NCOA6: variants seen among roughly 807,000 people sequenced by gnomAD.
NCOA6 encodes NRC RAP250.
NCOA6 carries 49 observed loss-of-function variants against 171.4 expected under a neutral mutation model. The ratio of observed to expected loss-of-function variants is 0.29; its 90% CI spans 0.23 to 0.36. The LOEUF is 0.36. Among genes scored for constraint, NCOA6 ranks in the 10% least tolerant of loss-of-function variants. The pLI, the probability that NCOA6 is intolerant of heterozygous loss-of-function variation, is 1.00. For synonymous variants in NCOA6, 910 were observed against 927.5 expected, an observed-to-expected ratio of 0.98 and a Z score of 0.34; for missense variants, 2,248 against 2,554.5, an observed-to-expected ratio of 0.88 and a Z score of 2.59.
chr20:34,763,671 T>C (rs1301607505), intron 5 of NCOA6, among the ~76,000 whole-genome samples: 1 of 152,216 alleles, frequency 6.6e-6, no homozygotes, highest in Non-Finnish European at 1.5e-5. Flanking sequence ...GTTAATGACT[T>C]AGCCTGGCTA....
At chr20:34,822,066 C>CA (rs1189240374) in intron 1 of NCOA6, among the ~76,000 whole-genome samples, 1 of 152,128 alleles carries the variant, frequency 6.6e-6, no homozygotes, top group Admixed American at 6.5e-5. Flanking sequence ...TCAGTGCCCA[C>CA]AGTCTCTGCC....
In NCOA6 at chr20:34,741,608, G is replaced by C. The variant is rs775428616; in HGVS notation, c.4648C>G (p.Pro1550Ala). 4 of 1,614,190 alleles carry C rather than the reference G, an allele frequency of 2.5e-6. No individual in the cohort carries two copies. In the South Asian group the frequency reaches 3.3e-5, roughly 13 times the overall value. ...GATGAACACAGCTCATTACTGTGAGGTAAGTTTAGGGAATTAGAAGGTTCT... is the reference window on the plus strand; with the variant it reads ...GATGAACACAGCTCATTACTGTGAGCTAAGTTTAGGGAATTAGAAGGTTCT... ...SKEPSNSLNL[P>A]HSNELCSSLV... The change falls in exon 11 of 15, where the codon CCT becomes GCT. Residue 1550 changes from proline (P) to alanine (A), a missense_variant. Transcript: ENST00000359003.
rs199708954 is a variant in NCOA6, at chr20:34,750,198, G to A, written c.1997C>T (p.Pro666Leu). The A allele has an allele frequency of 3.1e-5, 50 of 1,610,578 alleles. No individual in the cohort carries two copies. The highest frequency in any genetic ancestry group is 1.0e-4 in the Admixed American group (6 of 59,748). The stretch of plus-strand genomic sequence containing the variant: ...GGGCGAGGGCCCAAGATTTTGGCTC[G>A]GGGGGTTCACCATCATCTGGCCCTG... ...MPQGQMMVNP[P>L]SQNLGPSPQR... The change falls in exon 9 of 15, where the codon CCG becomes CTG. Residue 666 changes from proline (P) to leucine (L), a missense_variant. Pro to Leu is a moderately conservative substitution (Grantham distance 98). This residue lies in a region of NCOA6 where 987 missense variants were observed against 1,104.7 expected (regional missense o/e 0.89). Transcript: ENST00000359003.
chr20:34,740,738 C>G lies in NCOA6; in HGVS notation c.5518G>C (p.Glu1840Gln). 2 of 1,614,236 alleles carry G rather than the reference C, an allele frequency of 1.2e-6. No homozygotes were observed. Among genetic ancestry groups the G allele is most frequent in the Non-Finnish European group, 1.7e-6 (2 of 1,180,038 alleles). Residue 1840 changes from glutamate (E) to glutamine (Q), a missense_variant, in exon 11 of 15, where the codon GAG (glutamate) becomes CAG (glutamine). Transcript: ENST00000359003. The part of the protein sequence containing the change: ...KACKKVTGSL[E>Q]KGEEQYGADG... Reference sequence around the variant, plus strand: ...GCACCATATTGTTCTTCCCCTTTCTCAAGAGAGCCTGTAACTTTCTTACAT... The same window carrying G: ...GCACCATATTGTTCTTCCCCTTTCTGAAGAGAGCCTGTAACTTTCTTACAT...
chr20:34,811,448 C>A (rs1208327539), intron 1 of NCOA6, among the ~76,000 whole-genome samples: 1 of 151,742 alleles, frequency 6.6e-6, no homozygotes, highest in African/African-American at 2.4e-5. Context: ...GATTCTTTAT[C>A]ATCATGAGAC....
At chr20:34,803,396 G>A (rs2078321766) in intron 1 of NCOA6, among the ~76,000 whole-genome samples, 1 of 151,472 alleles carries the variant, frequency 6.6e-6, no homozygotes, top group Admixed American at 6.6e-5. Flanking sequence ...TGAACTCAGA[G>A]GCAGAGGTTG....
chr20:34,777,116 CAAAAAAAAAAAAAA>C (rs1157021055), intron 3 of NCOA6, among the ~76,000 whole-genome samples: 3 of 43,866 alleles, frequency 6.8e-5, no homozygotes, highest in African/African-American at 2.6e-4. Flanking sequence ...GACTCCGTCT[CAAAAAAAAAAAAAA>C]AAAAAAAAGG....
intron 10 of NCOA6, among the ~76,000 whole-genome samples, chr20:34,746,012 T>C (rs2076290374): frequency 6.6e-6 from 1 of 152,186 alleles, no homozygotes; most frequent in African/African-American, 2.4e-5. Context: ...TGGGTGTCTC[T>C]TTTATTCTTT....
chr20:34,744,261 T>G (rs929802158), intron 10 of NCOA6, among the ~76,000 whole-genome samples: 1 of 152,222 alleles, frequency 6.6e-6, no homozygotes, highest in East Asian at 1.9e-4. Flanking sequence ...CTTCTAGATA[T>G]GCAGAGGGCA....
intron 1 of NCOA6, among the ~76,000 whole-genome samples, chr20:34,792,913 G>A (rs894364583): frequency 2.6e-5 from 4 of 151,768 alleles, no homozygotes; most frequent in Admixed American, 6.6e-5. Flanking sequence ...AAGTAGCTGG[G>A]ACCACAGGCG....
chr20:34,818,146 T>G (rs2078900856), intron 1 of NCOA6, among the ~76,000 whole-genome samples: 1 of 152,244 alleles, frequency 6.6e-6, no homozygotes, highest in African/African-American at 2.4e-5. Context: ...AATAAAATGC[T>G]ACTTATGAAA....
intron 10 of NCOA6, among the ~76,000 whole-genome samples, chr20:34,744,741 T>C (rs117294161): frequency 6.6e-6 from 1 of 152,238 alleles, no homozygotes; most frequent in Non-Finnish European, 1.5e-5. Flanking sequence ...GGCATTTCTA[T>C]GGTTCAACTG....
intron 1 of NCOA6, among the ~76,000 whole-genome samples, chr20:34,815,572 A>G (rs1276060799): frequency 1.3e-5 from 2 of 152,240 alleles, no homozygotes; most frequent in East Asian, 3.9e-4. Context: ...AAAGAATAGG[A>G]TGGAAAAGAG....
intron 1 of NCOA6, among the ~76,000 whole-genome samples, chr20:34,810,746 C>G (rs181912890): frequency 2.6e-5 from 4 of 151,952 alleles, no homozygotes; most frequent in Non-Finnish European, 4.4e-5. Context: ...TTAGAAGAGT[C>G]GCGGTTTCAC....
At chr20:34,715,906 G>T (rs1330327521) in intron 14 of NCOA6, among the ~76,000 whole-genome samples, 1 of 152,106 alleles carries the variant, frequency 6.6e-6, no homozygotes, top group African/African-American at 2.4e-5. Flanking sequence ...GTCTACTATG[G>T]CCCAGCCAGT....
chr20:34,773,443 C>T (rs2077213224), intron 4 of NCOA6, among the ~76,000 whole-genome samples: 1 of 152,176 alleles, frequency 6.6e-6, no homozygotes, highest in Non-Finnish European at 1.5e-5. Flanking sequence ...AACATTGCTT[C>T]ATTCCTTCTT....
In NCOA6 at chr20:34,757,813, A is replaced by G. The variant is rs1437391724; in HGVS notation, c.935T>C (p.Val312Ala). 6.2e-7 allele frequency: 1 copy of G among 1,614,096 alleles called. No homozygotes were observed. The highest frequency in any genetic ancestry group is 1.7e-5 in the Admixed American group (1 of 60,016). ...IRPQFTAPTQ[V>A]PVPPGWNQLP... The stretch of plus-strand genomic sequence containing the variant: ...CTGGTTCCAGCCTGGAGGAACAGGC[A>G]CCTGAGTTGGGGCAGTAAACTGGGG... Residue 312 changes from valine to alanine, a missense_variant, in exon 7 of 15, where the codon GTG becomes GCG. Transcript: ENST00000359003.
intron 5 of NCOA6, among the ~76,000 whole-genome samples, chr20:34,763,390 T>A (rs2145894674): frequency 1.3e-5 from 2 of 152,362 alleles, no homozygotes; most frequent in South Asian, 2.1e-4. Flanking sequence ...TCCACTTTGA[T>A]GATTTTTAAA....
chr20:34,763,586 T>C (rs1049802286), intron 5 of NCOA6, among the ~76,000 whole-genome samples: 1 of 152,166 alleles, frequency 6.6e-6, no homozygotes, highest in Non-Finnish European at 1.5e-5. Context: ...CTAGGAGAAG[T>C]ATGCAATGAC....
Sources: allele counts gnomAD v4.1 joint callset (sites outside exome capture counted in the v4.1 genomes callset), GRCh38; gene constraint gnomAD v4.1.1; regional missense constraint gnomAD v4.1.1; transcripts MANE v1.5; gene names NCBI Gene and HGNC (gene_info 2026-07-23, HGNC 2026-07-21).